Variants in STARD13 observed in about 807,000 individuals in gnomAD.
The protein encoded by STARD13 is stAR-related lipid transfer protein 13.
In STARD13, 62 loss-of-function variants were observed where a neutral mutation model predicts 106.4. The ratio of observed to expected loss-of-function variants is 0.58; its 90% CI spans 0.48 to 0.72. STARD13 has a LOEUF of 0.72. Among genes scored for constraint, STARD13 ranks in the 30% least tolerant of loss-of-function variants. The probability of loss-of-function intolerance (pLI) is 0.00; values close to 1 mark genes in which losing one functional copy is unlikely to be tolerated. For missense variants in STARD13, 1,387 were observed against 1,424.0 expected (o/e 0.97, Z 0.42); for synonymous variants, 565 against 553.0 (o/e 1.02, Z -0.31).
At chr13:33,661,904 A>C in the STARD13 span, among the ~76,000 whole-genome samples, 118 of 104,884 alleles carry the variant, frequency 1.1e-3, 1 homozygote, top group African/African-American at 5.8e-3. Context: ...ATCTCCTGGC[A>C]AAAAAAAAAA....
the STARD13 span, among the ~76,000 whole-genome samples, chr13:33,494,934 T>C: frequency 2.0e-5 from 3 of 152,198 alleles, no homozygotes; most frequent in Admixed American, 2.0e-4. Flanking sequence ...AAGACTCTAC[T>C]TAGGGTTCCC....
intron 1 of STARD13, among the ~76,000 whole-genome samples, chr13:33,247,220 T>A (rs889685896): frequency 4.0e-5 from 6 of 150,100 alleles, no homozygotes; most frequent in East Asian, 1.9e-4. Context: ...AATAAATAAA[T>A]TAAATAAATA....
chr13:33,138,637 C>T (rs1341574991), intron 4 of STARD13: 3 of 254,268 alleles, frequency 1.2e-5, no homozygotes, highest in Non-Finnish European at 1.6e-5. Context: ...GCTACGTGGC[C>T]GGGCCTGCCT....
chr13:33,434,469 C>G, the STARD13 span, among the ~76,000 whole-genome samples: 1 of 151,170 alleles, frequency 6.6e-6, no homozygotes, highest in Non-Finnish European at 1.5e-5. Context: ...CTGTTTTATA[C>G]ATATAAAGTG....
At chr13:33,117,688 C>A (rs1875590301) in intron 8 of STARD13, 2 of 930,216 alleles carry the variant, frequency 2.2e-6, no homozygotes, top group Non-Finnish European at 2.6e-6. Context: ...TTCCTATATC[C>A]CAAAGAAATG....
the STARD13 span, among the ~76,000 whole-genome samples, chr13:33,397,295 A>C: frequency 6.6e-6 from 1 of 152,126 alleles, no homozygotes; most frequent in Non-Finnish European, 1.5e-5. Context: ...TGCCTCTCTC[A>C]GGAGCAAGGG....
chr13:33,187,660 C>CT (rs1465267672), intron 1 of STARD13, among the ~76,000 whole-genome samples: 9 of 151,756 alleles, frequency 5.9e-5, no homozygotes, highest in East Asian at 5.8e-4. Flanking sequence ...AATGAAGCAT[C>CT]TTTTTTTTAA....
chr13:33,482,006 A>G, the STARD13 span, among the ~76,000 whole-genome samples: 73 of 152,166 alleles, frequency 4.8e-4, no homozygotes, highest in Admixed American at 1.2e-3. Context: ...AAGAAAGAAA[A>G]AAAAAGAAAT....
chr13:33,399,235 A>G, the STARD13 span, among the ~76,000 whole-genome samples: 30 of 152,278 alleles, frequency 2.0e-4, no homozygotes, highest in African/African-American at 7.0e-4. Flanking sequence ...TAAGCGACAC[A>G]TATAAAGACA....
At chr13:33,347,167 C>T (rs1454472417), downstream of STARD13, among the ~76,000 whole-genome samples, 1 of 152,202 alleles carries the variant, frequency 6.6e-6, no homozygotes, top group Non-Finnish European at 1.5e-5. Context: ...ACGTTTCAGT[C>T]AATGATGAAC....
chr13:33,414,900 C>A, the STARD13 span, among the ~76,000 whole-genome samples: 2 of 152,080 alleles, frequency 1.3e-5, no homozygotes, highest in Non-Finnish European at 2.9e-5. Flanking sequence ...TCATCAAGAG[C>A]AAACAACAAA....
At chr13:33,563,666 G>A in the STARD13 span, among the ~76,000 whole-genome samples, 2 of 147,340 alleles carry the variant, frequency 1.4e-5, 1 homozygote, top group African/African-American at 5.1e-5. Flanking sequence ...ATTGGTCTGG[G>A]CAAAACATTT....
the STARD13 span, among the ~76,000 whole-genome samples, chr13:33,535,380 C>A: frequency 6.6e-6 from 1 of 152,086 alleles, no homozygotes; most frequent in Non-Finnish European, 1.5e-5. Flanking sequence ...AGAAGAGTTA[C>A]ATACAAATAT....
chr13:33,508,112 C>T, the STARD13 span, among the ~76,000 whole-genome samples: 2 of 152,136 alleles, frequency 1.3e-5, no homozygotes, highest in Admixed American at 6.6e-5. Context: ...GGAATACAGG[C>T]TTTTTGATTT....
At chr13:33,270,356 C>A (rs1891098483) in intron 1 of STARD13, among the ~76,000 whole-genome samples, 1 of 152,148 alleles carries the variant, frequency 6.6e-6, no homozygotes, top group Non-Finnish European at 1.5e-5. Flanking sequence ...TTTGGTGCAA[C>A]TGAGGACAGC....
chr13:33,258,448 T>C (rs1376494465), intron 1 of STARD13, among the ~76,000 whole-genome samples: 1 of 151,674 alleles, frequency 6.6e-6, no homozygotes, highest in East Asian at 1.9e-4. Flanking sequence ...CAAGACACCA[T>C]GCAATCGTCA....
At chr13:33,631,827 A>T in the STARD13 span, among the ~76,000 whole-genome samples, 1 of 152,216 alleles carries the variant, frequency 6.6e-6, no homozygotes, top group African/African-American at 2.4e-5. Context: ...AAATATTTTC[A>T]TGATATCTGG....
the STARD13 span, among the ~76,000 whole-genome samples, chr13:33,635,494 C>G: frequency 3.0e-4 from 46 of 151,700 alleles, no homozygotes; most frequent in Admixed American, 3.0e-3. Context: ...CCCATCTCTA[C>G]TAAAAAATAG....
At chr13:33,122,171 G>C (rs149936960) in intron 7 of STARD13, among the ~76,000 whole-genome samples, 80 of 152,062 alleles carry the variant, frequency 5.3e-4, no homozygotes, top group African/African-American at 1.8e-3. Flanking sequence ...TAGCAGAGAT[G>C]GTGTTTCACC....
Sources: gnomAD v4.1 joint callset for allele counts (sites outside exome capture counted in the v4.1 genomes callset) on GRCh38, gnomAD v4.1.1 for gene constraint, MANE v1.5 for transcripts, NCBI Gene and HGNC (gene_info 2026-07-23, HGNC 2026-07-21) for gene names.